NAV2: variants seen among roughly 807,000 people sequenced by gnomAD.
NAV2 encodes helicase, APC down-regulated 1.
In NAV2, 54 loss-of-function variants were observed where a neutral mutation model predicts 223.2. That is an observed-to-expected ratio of 0.24 (90% CI 0.19 to 0.30). The LOEUF is 0.30. Among genes scored for constraint, NAV2 ranks in the 10% least tolerant of loss-of-function variants. NAV2 has a pLI of 1.00. For missense variants in NAV2, 2,806 were observed against 3,147.5 expected, an observed-to-expected ratio of 0.89 and a Z score of 2.60; for synonymous variants, 1,279 against 1,239.3, an observed-to-expected ratio of 1.03 and a Z score of -0.67.
rs1397653683 is a variant in NAV2, at chr11:19,944,884, TCTTTC to T, written c.2147-1511_2147-1507del. On this transcript the variant is annotated intron_variant, in intron 8 of 37. Coordinates refer to ENST00000349880, the MANE Select transcript of NAV2 (RefSeq NM_145117.5). ...GCTTGTCTTTCTTTCCTCCTTTCCT[TCTTTC>T]CTTTCTTTCCTTTCCTTTCCTTCTC... is the stretch of plus-strand genomic sequence containing the variant. Among the ~76,000 whole-genome samples the T allele has an allele frequency of 1.3e-5, 2 of 149,888 alleles. 1 individual carries two copies. The highest frequency in any genetic ancestry group is 3.0e-5 in the Non-Finnish European group (2 of 67,378).
intron 1 of NAV2, among the ~76,000 whole-genome samples, chr11:19,602,500 G>C (rs2046375317): frequency 6.6e-6 from 1 of 152,070 alleles, no homozygotes; most frequent in South Asian, 2.1e-4. Context: ...CTTGAAGGGA[G>C]AGTATATTAG....
rs575573480 is a variant in NAV2, at chr11:19,351,292, A to C, written c.75+265A>C. On this transcript the variant is annotated intron_variant, in intron 1 of 37. Transcript: ENST00000360655. Reference sequence around the variant, plus strand: ...TTATAAGCGTTAACTGAGGGAGTTAACAAAAAATGTTGGTGTTCTCAAAAT... The same window carrying C: ...TTATAAGCGTTAACTGAGGGAGTTACCAAAAAATGTTGGTGTTCTCAAAAT... Among the ~76,000 whole-genome samples, 16 of 152,370 alleles carry C rather than the reference A, an allele frequency of 1.1e-4. 1 individual carries two copies. Among genetic ancestry groups the C allele is most frequent in the African/African-American group, 3.8e-4 (16 of 41,584 alleles).
At chr11:19,481,001 GC>G (rs1187743979) in intron 1 of NAV2, among the ~76,000 whole-genome samples, 1 of 152,206 alleles carries the variant, frequency 6.6e-6, no homozygotes, top group African/African-American at 2.4e-5. Context: ...TGAGCAGATG[GC>G]CTTCGTGAGA....
Position 19,918,320 on chromosome 11 carries a change from G to A in NAV2, c.932-14856G>A, listed in dbSNP as rs140588287. Among the ~76,000 whole-genome samples the A allele has an allele frequency of 8.9e-3, 1,363 of 152,374 alleles. 13 individuals carry two copies. Among genetic ancestry groups the A allele is most frequent in the Non-Finnish European group, 0.013 (903 of 68,038 alleles). On this transcript the variant is annotated intron_variant, in intron 6 of 37. Transcript: ENST00000349880. ...CTGGTATCTGGATTGACAGCTGGGA[G>A]TGGTTGGGTCAATAGTCAGTTTGAT...
intron 37 of NAV2, among the ~76,000 whole-genome samples, chr11:20,115,317 G>T (rs1339173162): frequency 6.6e-6 from 1 of 152,026 alleles, no homozygotes; most frequent in Non-Finnish European, 1.5e-5. Flanking sequence ...TATTTATTCG[G>T]CTGTTGCTAA....
At chr11:19,637,164 C>T (rs2047528123) in intron 1 of NAV2, among the ~76,000 whole-genome samples, 1 of 152,198 alleles carries the variant, frequency 6.6e-6, no homozygotes, top group South Asian at 2.1e-4. Context: ...GTCCCTATCC[C>T]AACAGAAAGC....
At chr11:19,441,266 G>A (rs992317993) in intron 1 of NAV2, among the ~76,000 whole-genome samples, 3 of 152,218 alleles carry the variant, frequency 2.0e-5, no homozygotes, top group African/African-American at 7.2e-5. Context: ...AGAGCCTGGA[G>A]GAGATTCCCC....
chr11:19,746,761 T>C (rs10734280), intron 1 of NAV2, among the ~76,000 whole-genome samples: 149,442 of 152,058 alleles, frequency 0.98, 73,483 homozygotes, highest in East Asian at 1. Context: ...AATAAGATAA[T>C]GTCCAGGATG....
At chr11:19,786,632 G>C (rs1431989732) in intron 1 of NAV2, among the ~76,000 whole-genome samples, 1 of 152,194 alleles carries the variant, frequency 6.6e-6, no homozygotes, top group Non-Finnish European at 1.5e-5. Flanking sequence ...TCCTGTGGGA[G>C]AGTGACTTGG....
intron 1 of NAV2, among the ~76,000 whole-genome samples, chr11:19,493,300 C>T (rs140432672): frequency 4.2e-4 from 64 of 152,102 alleles, no homozygotes; most frequent in Middle Eastern, 3.4e-3. Flanking sequence ...GGCACATTAG[C>T]GGAAATTTAA....
chr11:19,622,821 G>T (rs1036881855), intron 1 of NAV2, among the ~76,000 whole-genome samples: 1 of 152,124 alleles, frequency 6.6e-6, no homozygotes. Context: ...TGTTAGCTGA[G>T]TATTTTGCTC....
At position 19,633,758 on chromosome 11, in the gene NAV2, G is replaced by A. The variant is rs115846985; in HGVS notation, c.76-198726G>A. On this transcript the variant is annotated intron_variant, in intron 1 of 37. Coordinates refer to the NAV2 transcript ENST00000360655. ...CCACCGGGTGTCATGGAGAAATGGG[G>A]CATGTCTGGCTTCGGCCTTTGCTCC... Among the ~76,000 whole-genome samples the A allele has an allele frequency of 5.8e-3, 883 of 152,320 alleles. 12 individuals carry two copies. Among genetic ancestry groups the A allele is most frequent in the African/African-American group, 0.02 (841 of 41,582 alleles).
At chr11:19,492,616 C>T (rs2042667503) in intron 1 of NAV2, among the ~76,000 whole-genome samples, 1 of 152,256 alleles carries the variant, frequency 6.6e-6, no homozygotes, top group South Asian at 2.1e-4. Context: ...CACCTCCCAA[C>T]TTCTTATATA....
intron 1 of NAV2, chr11:19,519,656 G>A (rs1293368635): frequency 6.6e-6 from 1 of 152,222 alleles, no homozygotes; most frequent in East Asian, 1.9e-4. Flanking sequence ...GCCTTGGTTT[G>A]AGATTCAGCC....
intron 11 of NAV2, among the ~76,000 whole-genome samples, chr11:20,009,879 C>T (rs79967844): frequency 0.05 from 7,576 of 152,204 alleles, 344 homozygotes; most frequent in Admixed American, 0.082. Context: ...GCCTTCTCTA[C>T]CCCACACCAA....
intron 11 of NAV2, among the ~76,000 whole-genome samples, chr11:20,026,586 A>G (rs1277500722): frequency 2.0e-5 from 3 of 152,238 alleles, no homozygotes; most frequent in Non-Finnish European, 2.9e-5. Flanking sequence ...CCGGGATTAC[A>G]GGCGTGAGCC....
At chr11:19,953,349 C>T (rs1290969787) in intron 10 of NAV2, among the ~76,000 whole-genome samples, 4 of 152,224 alleles carry the variant, frequency 2.6e-5, no homozygotes, top group Admixed American at 6.5e-5. Flanking sequence ...CATCTGCCTT[C>T]GCTGACTTGC....
Position 19,933,532 on chromosome 11 carries a change from C to T in NAV2, c.1288C>T (p.Leu430=), listed in dbSNP as rs1183158621. ...GTCCCGGGACACAAGCTGTGAGCGG[C>T]TGGAGACTCTGCCCAGCTTCGAAGA... The part of the protein sequence containing the change: ...PGSRDTSCER[L]ETLPSFEESE... Residue 430 remains leucine, a synonymous_variant, in exon 7 of 38, where the codon CTG becomes TTG. Transcript: ENST00000349880. The surrounding 1 kb of genome is among the most constrained non-coding windows in gnomAD (Gnocchi z 4.3). 6.2e-7 allele frequency: 1 copy of T among 1,610,082 alleles called. No homozygotes were observed. Among genetic ancestry groups the T allele is most frequent in the Non-Finnish European group, 8.5e-7 (1 of 1,178,028 alleles).
intron 1 of NAV2, among the ~76,000 whole-genome samples, chr11:19,540,017 A>G (rs576302459): frequency 6.6e-6 from 1 of 152,346 alleles, no homozygotes; most frequent in Admixed American, 6.5e-5. Flanking sequence ...TACTGGAGAC[A>G]ATAGGCTGAC....
Sources: gnomAD v4.1 joint callset for allele counts (sites outside exome capture counted in the v4.1 genomes callset) on GRCh38, gnomAD v4.1.1 for gene constraint, Gnocchi (gnomAD v3.1) non-coding constraint, MANE v1.5 for transcripts, NCBI Gene and HGNC (gene_info 2026-07-23, HGNC 2026-07-21) for gene names.